Variants in NAA25 observed in about 807,000 individuals in gnomAD.
NAA25 encodes N-alpha-acetyltransferase 25, NatB auxiliary subunit, also known as N-terminal acetyltransferase B complex subunit NAA25.
In NAA25, 30 loss-of-function variants were observed where a neutral mutation model predicts 132.5. That is an observed-to-expected ratio of 0.23 (90% CI 0.17 to 0.31). The LOEUF is 0.31. Among genes scored for constraint, NAA25 ranks in the 10% least tolerant of loss-of-function variants. NAA25 has a pLI of 1.00. For missense variants in NAA25, 771 were observed against 1,150.4 expected, an observed-to-expected ratio of 0.67 and a Z score of 4.77; for synonymous variants, 359 against 401.9, an observed-to-expected ratio of 0.89 and a Z score of 1.28.
intron 22 of NAA25, chr12:112,033,853 GCT>G (rs1384105607): frequency 6.6e-6 from 1 of 151,520 alleles, no homozygotes; most frequent in Non-Finnish European, 1.5e-5. Context: ...GAACCCAGTA[GCT>G]CAACACATAT....
intron 10 of NAA25, among the ~76,000 whole-genome samples, chr12:112,070,449 TG>T (rs1316153418): frequency 2.0e-5 from 3 of 152,256 alleles, no homozygotes; most frequent in African/African-American, 2.4e-5. Flanking sequence ...TCAATAGTTT[TG>T]TGAGTGCTTC....
chr12:112,087,264 G>A (rs572523282), intron 4 of NAA25, among the ~76,000 whole-genome samples: 1 of 152,132 alleles, frequency 6.6e-6, no homozygotes, highest in East Asian at 1.9e-4. Flanking sequence ...TTTCCCCCTG[G>A]TGGACTTAAA....
intron 22 of NAA25, among the ~76,000 whole-genome samples, chr12:112,036,928 C>T (rs1169020795): frequency 2.0e-5 from 3 of 151,468 alleles, no homozygotes; most frequent in East Asian, 1.9e-4. Flanking sequence ...GTCTAGTTCT[C>T]GTCATAGAAA....
In NAA25 at chr12:112,027,712, CAG is replaced by C. The variant is rs1322099558; in HGVS notation, c.*1817_*1818del. ...ACAGTACAGTACTTTTTTGGATATT[CAG>C]AGAGACATCATTTCAAGAACACACG... On this transcript the variant is annotated 3_prime_UTR_variant, in exon 24 of 24. Coordinates refer to ENST00000261745, the MANE Select transcript of NAA25 (RefSeq NM_024953.4). The C allele has an allele frequency of 6.6e-6, 1 of 152,130 alleles. No homozygotes were observed. The highest frequency in any genetic ancestry group is 1.5e-5 in the Non-Finnish European group (1 of 68,026). 9.4% of individuals were successfully genotyped at this position (152,130 alleles called of 1,614,324 possible).
intron 13 of NAA25, among the ~76,000 whole-genome samples, chr12:112,059,533 T>G (rs1213822454): frequency 1.3e-5 from 2 of 152,196 alleles, no homozygotes; most frequent in African/African-American, 4.8e-5. Context: ...TGATGCTTCC[T>G]TTACCATGTC....
intron 9 of NAA25, among the ~76,000 whole-genome samples, chr12:112,074,120 C>T (rs1184318892): frequency 6.6e-6 from 1 of 151,910 alleles, no homozygotes; most frequent in Non-Finnish European, 1.5e-5. Flanking sequence ...ATGGGTGGAT[C>T]ACCTGAGGTC....
intron 3 of NAA25, 107 bp downstream of exon 3, chr12:112,090,619 A>T: frequency 8.8e-7 from 1 of 1,136,590 alleles, no homozygotes; most frequent in Non-Finnish European, 1.3e-6. Flanking sequence ...TATTCTACCT[A>T]CTGTATCCAT....
At position 112,065,163 on chromosome 12, in the gene NAA25, C is replaced by A. The variant is rs370619204; in HGVS notation, c.1149+3717G>T. 5.3e-5 allele frequency among the ~76,000 whole-genome samples: 8 copies of A among 152,244 alleles called. No homozygotes were observed. In the East Asian group the frequency reaches 1.5e-3, roughly 29 times the overall value. On this transcript the variant is annotated intron_variant, in intron 11 of 23. Coordinates refer to ENST00000261745, the MANE Select transcript of NAA25 (RefSeq NM_024953.4). ...ATCACCTGAGGCCAAGAGTTCAAGA[C>A]CAGCCTGGCCAACATGGTGAAACCC...
At chr12:112,076,505 T>C (rs1277302088) in intron 7 of NAA25, among the ~76,000 whole-genome samples, 3 of 152,054 alleles carry the variant, frequency 2.0e-5, no homozygotes, top group Non-Finnish European at 4.4e-5. Flanking sequence ...AGATGAGATG[T>C]TGGAAGAAGA....
At chr12:112,029,864 C>T (rs2078126419) in intron 23 of NAA25, among the ~76,000 whole-genome samples, 2 of 152,124 alleles carry the variant, frequency 1.3e-5, no homozygotes, top group African/African-American at 4.8e-5. Flanking sequence ...CATGGAAACC[C>T]TATTGCTTTA....
At chr12:112,057,623 G>A (rs1436341360) in intron 13 of NAA25, among the ~76,000 whole-genome samples, 2 of 152,196 alleles carry the variant, frequency 1.3e-5, no homozygotes, top group South Asian at 2.1e-4. Context: ...GGGAGGCCAA[G>A]GCAGACAGAT....
chr12:112,072,204 T>C (rs1445780804), intron 9 of NAA25, 140 bp from the exon 10 acceptor site: 5 of 652,916 alleles, frequency 7.7e-6, no homozygotes. Flanking sequence ...AAGAGAACTA[T>C]GAACATATTC....
rs761485302 is a variant in NAA25 at position 112,081,122 on chromosome 12, G to A, written c.415C>T (p.Leu139=). ...YKKMQQAGMA[L]YKIVPKNPYY... ...GGATTTTTGGGGACAATCTTATATA[G>A]AGCCATGCCAGCCTAAAAGAGAACC... The change falls in exon 5 of 24, where the codon CTA becomes TTA. Residue 139 remains leucine (L), a synonymous_variant. Coordinates refer to ENST00000261745, the MANE Select transcript of NAA25 (RefSeq NM_024953.4). 1.9e-6 allele frequency: 3 copies of A among 1,612,340 alleles called. No individual in the cohort carries two copies. Among genetic ancestry groups the A allele is most frequent in the African/African-American group, 1.3e-5 (1 of 74,868 alleles).
chr12:112,108,767 T>G lies in NAA25; in HGVS notation c.7A>C (p.Thr3Pro). Residue 3 changes from threonine (T) to proline (P), a missense_variant, in exon 1 of 24, where the codon ACG becomes CCG. Transcript: ENST00000261745. MA[T>P]RGHVQDPNDR... ...TTAGGGTCCTGCACATGGCCCCGCG[T>G]CGCCATGATGACAAGCGCAGAACCA... 6.6e-7 allele frequency: 1 copy of G among 1,522,008 alleles called. No homozygotes were observed. The highest frequency in any genetic ancestry group is 8.8e-7 in the Non-Finnish European group (1 of 1,131,292). The allele number at this position is 1,522,008 out of a possible 1,614,324, so 94.3% of individuals were successfully genotyped here.
chr12:112,063,410 G>A (rs540461492), intron 11 of NAA25, among the ~76,000 whole-genome samples: 2 of 152,290 alleles, frequency 1.3e-5, no homozygotes, highest in South Asian at 4.1e-4. Context: ...CAGCCATAAG[G>A]CACTGAACCA....
Position 112,029,378 on chromosome 12 carries a change from T to G in NAA25, c.*153A>C, listed in dbSNP as rs1212666459. The G allele has an allele frequency of 8.0e-7, 1 of 1,244,224 alleles. No individual in the cohort carries two copies. The highest frequency in any genetic ancestry group is 1.5e-5 in the African/African-American group (1 of 66,092). The allele number at this position is 1,244,224 out of a possible 1,614,324, so 77.1% of individuals were successfully genotyped here. A position where few individuals can be genotyped will look rare whatever the true frequency, so the allele number is the denominator to read the frequency against. ...ACAATAATTTAATCAGTTGTATATA[T>G]TTAACACCTAAAAAAATTCACGATC... is the stretch of plus-strand genomic sequence containing the variant. On this transcript the variant is annotated 3_prime_UTR_variant, in exon 24 of 24. Transcript: ENST00000261745.
In NAA25 at chr12:112,078,727, C is replaced by T; in HGVS notation, c.492G>A (p.Gln164=). 6.2e-7 allele frequency: 1 copy of T among 1,613,526 alleles called. No homozygotes were observed. The part of the protein sequence containing the change: ...MSLIMQSISA[Q]DENLSKTMFL... The stretch of plus-strand genomic sequence containing the variant: ...ACATTGTTTTTGAGAGGTTTTCATC[C>T]TGTGCCGATATAGACTGAAAGAAGA... The change falls in exon 6 of 24, where the codon CAG becomes CAA. Residue 164 remains glutamine, a synonymous_variant. Coordinates refer to ENST00000261745, the MANE Select transcript of NAA25 (RefSeq NM_024953.4).
At chr12:112,092,338 T>C (rs2079145002) in intron 2 of NAA25, among the ~76,000 whole-genome samples, 1 of 149,774 alleles carries the variant, frequency 6.7e-6, no homozygotes, top group Non-Finnish European at 1.5e-5. Flanking sequence ...AAAACACAAA[T>C]AGTCAGTTGG....
chr12:112,043,918 A>G (rs763779037), intron 17 of NAA25, 50 bp from the exon 18 acceptor site: 1 of 1,515,952 alleles, frequency 6.6e-7, no homozygotes, highest in South Asian at 1.2e-5. Context: ...TATTCAATCC[A>G]TTGCTTTCAA....
Sources: allele counts gnomAD v4.1 joint callset (sites outside exome capture counted in the v4.1 genomes callset), GRCh38; gene constraint gnomAD v4.1.1; transcripts MANE v1.5; gene names NCBI Gene and HGNC (gene_info 2026-07-23, HGNC 2026-07-21).